The following EPS8 variants were observed in gnomAD, a reference collection of about 807,000 sequenced individuals.
The protein encoded by EPS8 is EGFR pathway substrate 8, signaling adaptor, also known as epidermal growth factor receptor kinase substrate 8.
Under a neutral mutation model 103.8 loss-of-function variants are expected in EPS8, and 42 were observed. That is an observed-to-expected ratio of 0.40 (90% CI 0.32 to 0.52). EPS8 has a LOEUF of 0.52. Among genes scored for constraint, EPS8 ranks in the 20% least tolerant of loss-of-function variants. The pLI is 0.40. For missense variants in EPS8, 969 were observed against 1,005.1 expected, an observed-to-expected ratio of 0.96 and a Z score of 0.49; for synonymous variants, 344 against 344.6, an observed-to-expected ratio of 1.00 and a Z score of 0.02.
At chr12:15,770,167 G>C (rs1376735832) in intron 1 of EPS8, among the ~76,000 whole-genome samples, 1 of 150,840 alleles carries the variant, frequency 6.6e-6, no homozygotes, top group African/African-American at 2.4e-5. Flanking sequence ...TCAAACTCCT[G>C]GACTCAAGTG....
At position 15,721,883 on chromosome 12, in the gene EPS8, A is replaced by G. The variant is rs1231992321; in HGVS notation, c.-21-38911T>C. 6.6e-6 allele frequency among the ~76,000 whole-genome samples: 1 copy of G among 151,906 alleles called. No homozygotes were observed. The highest frequency in any genetic ancestry group is 1.5e-5 in the Non-Finnish European group (1 of 67,968). ...AAGTTAGAACATACAAAACTATTTTAAGAACAAAAATCATGAGTCATCCTG... is the reference window on the plus strand; with the variant it reads ...AAGTTAGAACATACAAAACTATTTTGAGAACAAAAATCATGAGTCATCCTG... On this transcript the variant is annotated intron_variant, in intron 1 of 20. Transcript: ENST00000281172. This position sits in a 1 kb window ranked among gnomAD's most constrained non-coding sequence, Gnocchi z 4.4.
At chr12:15,678,576 C>T (rs1182598338) in intron 3 of EPS8, among the ~76,000 whole-genome samples, 1 of 152,106 alleles carries the variant, frequency 6.6e-6, no homozygotes, top group Non-Finnish European at 1.5e-5. Flanking sequence ...TGATAATCAT[C>T]TAACTTGAAA....
intron 1 of EPS8, among the ~76,000 whole-genome samples, chr12:15,775,187 C>T (rs1947195956): frequency 6.6e-6 from 1 of 152,058 alleles, no homozygotes; most frequent in Non-Finnish European, 1.5e-5. Context: ...TACCCACATT[C>T]AAAATTCAAG....
rs900056850 is a variant in EPS8, at chr12:15,757,614, G to T, written c.-22+31547C>A. Among the ~76,000 whole-genome samples the T allele has an allele frequency of 6.6e-6, 1 of 151,762 alleles. No homozygotes were observed. The highest frequency in any genetic ancestry group is 1.5e-5 in the Non-Finnish European group (1 of 68,002). On this transcript the variant is annotated intron_variant, in intron 1 of 20. Transcript: ENST00000281172. This position sits in a 1 kb window ranked among gnomAD's most constrained non-coding sequence, Gnocchi z 4.1. ...CACTGCACTCCAGCCTGGCAACAGA[G>T]CGAGACTCCGTCTGAAGAAAAAAAA... is the stretch of plus-strand genomic sequence containing the variant.
At chr12:15,703,892 T>C (rs1946348196) in intron 1 of EPS8, among the ~76,000 whole-genome samples, 1 of 144,228 alleles carries the variant, frequency 6.9e-6, no homozygotes, top group Non-Finnish European at 1.5e-5. Flanking sequence ...GACTCACCTT[T>C]GTTATTCCCC....
intron 16 of EPS8, 50 bp from the exon 17 acceptor site, chr12:15,640,896 T>C: frequency 6.3e-7 from 1 of 1,578,020 alleles, no homozygotes; most frequent in African/African-American, 1.4e-5. Flanking sequence ...AAAGCCATTC[T>C]ACGAAAGAAG....
chr12:15,758,216 A>T (rs1947007510), intron 1 of EPS8, among the ~76,000 whole-genome samples: 2 of 152,222 alleles, frequency 1.3e-5, no homozygotes, highest in South Asian at 4.1e-4. Context: ...CAGCTGCAGG[A>T]ATGTCAGTCA....
chr12:15,758,607 T>C (rs1267769119), intron 1 of EPS8, among the ~76,000 whole-genome samples: 2 of 152,178 alleles, frequency 1.3e-5, no homozygotes, highest in Admixed American at 6.6e-5. Context: ...AGAAGGCCTG[T>C]CAGAGACAAG....
chr12:15,771,764 C>G lies in EPS8; in HGVS notation c.-22+17397G>C, dbSNP rs148179343. ...AAAAGAAATTCTTCCTAGAACTGAA[C>G]TATTTTTGTGGCTAACTCATTACAA... On this transcript the variant is annotated intron_variant, in intron 1 of 20. Transcript: ENST00000281172. The surrounding 1 kb of genome is among the most constrained non-coding windows in gnomAD (Gnocchi z 4.6). 0.014 allele frequency among the ~76,000 whole-genome samples: 2,177 copies of G among 151,772 alleles called. 60 individuals are homozygous for G. The highest frequency in any genetic ancestry group is 0.05 in the African/African-American group (2,064 of 41,410).
chr12:15,636,345 A>G (rs1796116573), intron 17 of EPS8, among the ~76,000 whole-genome samples: 1 of 152,202 alleles, frequency 6.6e-6, no homozygotes, highest in Non-Finnish European at 1.5e-5. Flanking sequence ...TTGTGTCAAT[A>G]TCTTTTGTAA....
chr12:15,711,721 A>G (rs1005546717), intron 1 of EPS8, among the ~76,000 whole-genome samples: 1 of 152,204 alleles, frequency 6.6e-6, no homozygotes, highest in African/African-American at 2.4e-5. Context: ...GCTGTATACA[A>G]TATTTCTATG....
Position 15,682,878 on chromosome 12 carries a change from AAC to A in EPS8, c.59+13_59+14del, listed in dbSNP as rs1946033020. ...ATTCCCCCAAAACATATTAAATATA[AAC>A]TTTTCAACTTACTTCATCTGAGATG... On this transcript the variant is annotated intron_variant, in intron 2 of 20. Coordinates refer to ENST00000281172, the MANE Select transcript of EPS8 (RefSeq NM_004447.6). The A allele has an allele frequency of 7.4e-7, 1 of 1,350,994 alleles. No individual in the cohort carries two copies. The highest frequency in any genetic ancestry group is 1.9e-5 in the Admixed American group (1 of 53,354). 83.7% of individuals were successfully genotyped at this position (1,350,994 alleles called of 1,614,324 possible). A position where few individuals can be genotyped will look rare whatever the true frequency, so the allele number is the denominator to read the frequency against.
At chr12:15,753,118 C>T (rs1015900701) in intron 1 of EPS8, among the ~76,000 whole-genome samples, 4 of 151,950 alleles carry the variant, frequency 2.6e-5, no homozygotes, top group Admixed American at 1.3e-4. Flanking sequence ...GGAAGACATG[C>T]ACCACCCCTA....
chr12:15,681,475 A>C (rs1359356211), intron 2 of EPS8, among the ~76,000 whole-genome samples, 173 bp from the exon 3 acceptor site: 1 of 152,014 alleles, frequency 6.6e-6, no homozygotes, highest in African/African-American at 2.4e-5. Context: ...TCACGCCTAT[A>C]ATCCCAGCAC....
chr12:15,773,375 A>T (rs1319409443), intron 1 of EPS8, among the ~76,000 whole-genome samples: 3 of 152,148 alleles, frequency 2.0e-5, no homozygotes, highest in Admixed American at 1.3e-4. Context: ...TTAGAAGGCA[A>T]TCATGAAGCC....
At chr12:15,775,781 AGCACTTAATAG>A (rs1452719362) in intron 1 of EPS8, among the ~76,000 whole-genome samples, 1 of 152,190 alleles carries the variant, frequency 6.6e-6, no homozygotes, top group Admixed American at 6.5e-5. Context: ...ATTTAGTACT[AGCACTTAATAG>A]GCACTTATTT....
In EPS8 at chr12:15,761,495, G is replaced by T. The variant is rs1355359651; in HGVS notation, c.-22+27666C>A. Among the ~76,000 whole-genome samples, 1 of 151,864 alleles carries T rather than the reference G, an allele frequency of 6.6e-6. No individual in the cohort carries two copies. Among genetic ancestry groups the T allele is most frequent in the Non-Finnish European group, 1.5e-5 (1 of 67,950 alleles). On this transcript the variant is annotated intron_variant, in intron 1 of 20. Coordinates refer to ENST00000281172, the MANE Select transcript of EPS8 (RefSeq NM_004447.6). The surrounding 1 kb of genome is among the most constrained non-coding windows in gnomAD (Gnocchi z 4.5). Reference sequence around the variant, plus strand: ...TACCCAAAGCTATCCTAATCAAAAAGAACAAAACTGGAAGAATCACATTAC... The same window carrying T: ...TACCCAAAGCTATCCTAATCAAAAATAACAAAACTGGAAGAATCACATTAC...
rs140933313 is a variant in EPS8, at chr12:15,785,781, AAAGT to A, written c.-22+3376_-22+3379del. On this transcript the variant is annotated intron_variant, in intron 1 of 20. Coordinates refer to ENST00000281172, the MANE Select transcript of EPS8 (RefSeq NM_004447.6). The surrounding 1 kb of genome is among the most constrained non-coding windows in gnomAD (Gnocchi z 4.9). ...AACCTAGAGCATCTCATAATACCAGAAAGTAAGGAAATGCTTCCAAAAAAACAAA... is the reference window on the plus strand; with the variant it reads ...AACCTAGAGCATCTCATAATACCAGAAAGGAAATGCTTCCAAAAAAACAAA... Among the ~76,000 whole-genome samples the A allele has an allele frequency of 0.02, 2,990 of 152,150 alleles. 96 individuals are homozygous for A. Among genetic ancestry groups the A allele is most frequent in the African/African-American group, 0.068 (2,839 of 41,524 alleles).
At chr12:15,680,630 A>G (rs1945988226) in intron 3 of EPS8, among the ~76,000 whole-genome samples, 2 of 151,140 alleles carry the variant, frequency 1.3e-5, no homozygotes, top group African/African-American at 2.5e-5. Context: ...TCCAGACCCT[A>G]TACAAATAAA....
Sources: allele counts gnomAD v4.1 joint callset (sites outside exome capture counted in the v4.1 genomes callset), GRCh38; gene constraint gnomAD v4.1.1; non-coding constraint Gnocchi (gnomAD v3.1); transcripts MANE v1.5; gene names NCBI Gene and HGNC (gene_info 2026-07-23, HGNC 2026-07-21).